Variants in ATP8A2 observed in about 807,000 individuals in gnomAD.
ATP8A2 encodes phospholipid-transporting ATPase IB.
A neutral mutation model predicts 165.6 loss-of-function variants in ATP8A2; 100 were observed. The ratio of observed to expected loss-of-function variants is 0.60; its 90% CI spans 0.51 to 0.71. The LOEUF is 0.71. Ranked by LOEUF, ATP8A2 falls within the 30% of genes least tolerant of loss-of-function variation. ATP8A2 has a pLI of 0.00. For missense variants in ATP8A2, 1,227 were observed against 1,479.5 expected (o/e 0.83, Z 2.80); for synonymous variants, 543 against 548.8 (o/e 0.99, Z 0.15).
chr13:25,823,440 T>C (rs1343302148), intron 27 of ATP8A2, among the ~76,000 whole-genome samples: 1 of 152,200 alleles, frequency 6.6e-6, no homozygotes, highest in Non-Finnish European at 1.5e-5. Context: ...ATTATTAATA[T>C]AAGACACGTG....
chr13:25,789,791 G>A (rs142100193), intron 27 of ATP8A2, among the ~76,000 whole-genome samples: 97 of 152,238 alleles, frequency 6.4e-4, no homozygotes, highest in Admixed American at 2.6e-3. Context: ...AGCAAAAAGA[G>A]CGAAGCTGGA....
At chr13:25,397,070 A>G (rs1396046461) in intron 1 of ATP8A2, among the ~76,000 whole-genome samples, 1 of 152,186 alleles carries the variant, frequency 6.6e-6, no homozygotes, top group Non-Finnish European at 1.5e-5. Context: ...CGCTGAGTTA[A>G]ATAAAGCCTT....
chr13:25,704,029 A>T (rs887819150), intron 25 of ATP8A2, among the ~76,000 whole-genome samples: 4 of 151,922 alleles, frequency 2.6e-5, no homozygotes, highest in Non-Finnish European at 5.9e-5. Context: ...TGTTTGAATG[A>T]AAGTTCACTC....
At chr13:25,666,766 A>G (rs2042163532) in intron 24 of ATP8A2, among the ~76,000 whole-genome samples, 1 of 152,198 alleles carries the variant, frequency 6.6e-6, no homozygotes, top group Non-Finnish European at 1.5e-5. Context: ...AGACTAGTTC[A>G]AGGTAGTAAA....
intron 25 of ATP8A2, among the ~76,000 whole-genome samples, chr13:25,709,618 C>G (rs1355417240): frequency 2.0e-5 from 3 of 151,904 alleles, no homozygotes; most frequent in Admixed American, 6.6e-5. Flanking sequence ...TGTTTTCAAA[C>G]GATGATGCTT....
At chr13:25,449,011 T>C (rs942368337) in intron 1 of ATP8A2, among the ~76,000 whole-genome samples, 8 of 152,112 alleles carry the variant, frequency 5.3e-5, no homozygotes, top group African/African-American at 1.9e-4. Context: ...TTTGCTATTA[T>C]AAACAATACT....
chr13:25,373,746 A>C (rs368421430), intron 1 of ATP8A2, among the ~76,000 whole-genome samples: 25 of 152,168 alleles, frequency 1.6e-4, no homozygotes, highest in African/African-American at 5.8e-4. Flanking sequence ...GGTGTGAAGA[A>C]TTTGGTCTGA....
chr13:25,551,837 A>C (rs955437463), intron 11 of ATP8A2, among the ~76,000 whole-genome samples: 1 of 151,764 alleles, frequency 6.6e-6, no homozygotes, highest in Non-Finnish European at 1.5e-5. Context: ...CAGAAATGTC[A>C]CTCCAGCGTA....
intron 15 of ATP8A2, among the ~76,000 whole-genome samples, chr13:25,562,341 C>T (rs1276653301): frequency 6.6e-6 from 1 of 152,050 alleles, no homozygotes; most frequent in African/African-American, 2.4e-5. Flanking sequence ...TGAAGTGGTA[C>T]CTTATCATAG....
intron 15 of ATP8A2, among the ~76,000 whole-genome samples, chr13:25,562,548 G>A (rs772330202): frequency 1.2e-4 from 18 of 152,164 alleles, no homozygotes; most frequent in Non-Finnish European, 2.5e-4. Context: ...GTGTCTATGG[G>A]TCTTTCTTGT....
chr13:25,515,670 T>C (rs2037444379), intron 2 of ATP8A2, among the ~76,000 whole-genome samples: 2 of 152,250 alleles, frequency 1.3e-5, no homozygotes, highest in African/African-American at 2.4e-5. Context: ...CTTTCTAGTA[T>C]GGTAGTGGTG....
intron 33 of ATP8A2, among the ~76,000 whole-genome samples, chr13:25,952,837 G>A (rs1955407042): frequency 6.6e-6 from 1 of 152,184 alleles, no homozygotes; most frequent in African/African-American, 2.4e-5. Context: ...CAGCCACCCT[G>A]AGCAAATAGG....
chr13:25,375,790 C>A (rs2032602830), intron 1 of ATP8A2, among the ~76,000 whole-genome samples: 3 of 152,024 alleles, frequency 2.0e-5, no homozygotes, highest in Non-Finnish European at 2.9e-5. Context: ...CCAGGATTGT[C>A]TCGATCTCTT....
chr13:25,806,400 G>C (rs1950742029), intron 27 of ATP8A2, among the ~76,000 whole-genome samples: 1 of 152,000 alleles, frequency 6.6e-6, no homozygotes. Context: ...TTGAAGGGTT[G>C]GTGGTCTCAG....
intron 2 of ATP8A2, among the ~76,000 whole-genome samples, chr13:25,527,543 AT>A (rs1357108186): frequency 1.3e-5 from 2 of 152,224 alleles, no homozygotes; most frequent in Non-Finnish European, 2.9e-5. Flanking sequence ...TTTGGCAATT[AT>A]TTTAATGCCA....
intron 6 of ATP8A2, among the ~76,000 whole-genome samples, chr13:25,533,945 A>T (rs1384811952): frequency 6.6e-6 from 1 of 152,184 alleles, no homozygotes; most frequent in Non-Finnish European, 1.5e-5. Flanking sequence ...TTCTTAATGG[A>T]CACAAGATGT....
intron 25 of ATP8A2, among the ~76,000 whole-genome samples, chr13:25,764,779 A>G (rs1290017418): frequency 6.6e-6 from 1 of 152,246 alleles, no homozygotes; most frequent in Non-Finnish European, 1.5e-5. Context: ...AGTCTGGTTA[A>G]TTAATATGTG....
chr13:25,797,802 T>TA (rs1297676748), intron 27 of ATP8A2, among the ~76,000 whole-genome samples: 1 of 152,088 alleles, frequency 6.6e-6, no homozygotes, highest in African/African-American at 2.4e-5. Context: ...TTTTAAGTGT[T>TA]AAAGTTTTGG....
chr13:25,415,176 A>G (rs1419736002), intron 1 of ATP8A2, among the ~76,000 whole-genome samples: 3 of 152,322 alleles, frequency 2.0e-5, no homozygotes, highest in Admixed American at 6.5e-5. Context: ...ACGTTTGCCT[A>G]TGAACATGGT....
Sources: allele counts gnomAD v4.1 joint callset (sites outside exome capture counted in the v4.1 genomes callset), GRCh38; gene constraint gnomAD v4.1.1; transcripts MANE v1.5; gene names NCBI Gene and HGNC (gene_info 2026-07-23, HGNC 2026-07-21).